DOCK1: variants seen among roughly 807,000 people sequenced by gnomAD.
The protein encoded by DOCK1 is dedicator of cytokinesis 1.
In DOCK1, 138 loss-of-function variants were observed where a neutral mutation model predicts 262.7. That is an observed-to-expected ratio of 0.53 (90% CI 0.46 to 0.61). The LOEUF (loss-of-function observed/expected upper bound fraction) is 0.61, where lower values mean the gene tolerates loss of function less well. Among genes scored for constraint, DOCK1 ranks in the 20% least tolerant of loss-of-function variants. The pLI, the probability that DOCK1 is intolerant of heterozygous loss-of-function variation, is 0.00. For missense variants in DOCK1, 1,908 were observed against 2,370.7 expected (o/e 0.80, Z 4.05); for synonymous variants, 866 against 867.4 (o/e 1.00, Z 0.03).
chr10:127,222,042 G>A (rs1367133705), intron 27 of DOCK1, among the ~76,000 whole-genome samples: 2 of 152,158 alleles, frequency 1.3e-5, no homozygotes, highest in Non-Finnish European at 2.9e-5. Flanking sequence ...ATTATGGCAG[G>A]GTGTTTGACA....
At chr10:127,214,915 T>A (rs2058138725) in intron 27 of DOCK1, among the ~76,000 whole-genome samples, 3 of 152,158 alleles carry the variant, frequency 2.0e-5, no homozygotes, top group African/African-American at 7.2e-5. Context: ...GCGTGTAGTT[T>A]CTATGTGATG....
intron 29 of DOCK1, among the ~76,000 whole-genome samples, chr10:127,311,722 G>A (rs1463281980): frequency 2.6e-5 from 4 of 151,942 alleles, no homozygotes; most frequent in Non-Finnish European, 4.4e-5. Context: ...GTGAGTGATC[G>A]GATTTGAACT....
intron 10 of DOCK1, among the ~76,000 whole-genome samples, chr10:127,004,768 CGCCACCCCCCCG>C (rs2040876567): frequency 6.1e-5 from 4 of 65,262 alleles, no homozygotes; most frequent in Admixed American, 1.6e-4. Context: ...CCCCCTGCCC[CGCCACCCCCCCG>C]CCCCAAAAAA....
chr10:127,175,758 G>T lies in DOCK1; in HGVS notation c.2847+47994G>T, dbSNP rs2055053857. ...ATCGGGCTCTTCGGATGGAGGCCGA[G>T]TGGAGTTTTGGAGCGCAGCTTCTCC... On this transcript the variant is annotated intron_variant, in intron 27 of 51. Coordinates refer to ENST00000623213, the MANE Select transcript of DOCK1 (RefSeq NM_001290223.2). This position sits in a 1 kb window ranked among gnomAD's most constrained non-coding sequence, Gnocchi z 6.3. The T allele has an allele frequency of 6.2e-7, 1 of 1,614,030 alleles. No individual in the cohort carries two copies. The highest frequency in any genetic ancestry group is 1.7e-5 in the Admixed American group (1 of 60,012).
At chr10:127,003,270 A>ATGAACCTGCGTGAACCTGTG (rs915028638) in intron 10 of DOCK1, among the ~76,000 whole-genome samples, 2 of 147,988 alleles carry the variant, frequency 1.4e-5, no homozygotes, top group African/African-American at 5.1e-5. Context: ...TTGAACCTGT[A>ATGAACCTGCGTGAACCTGTG]TGAACCTGCG....
chr10:127,247,875 G>T, intron 27 of DOCK1, 133 bp from the exon 28 acceptor site: 1 of 774,206 alleles, frequency 1.3e-6, no homozygotes, highest in East Asian at 2.7e-5. Context: ...AGGGGCAGCA[G>T]AACCCAGGGC....
chr10:126,958,700 A>G (rs2036949942), intron 1 of DOCK1, among the ~76,000 whole-genome samples: 1 of 152,090 alleles, frequency 6.6e-6, no homozygotes. Flanking sequence ...TCCTGATTCT[A>G]GTGGGTTGGG....
chr10:127,224,420 G>A (rs1017704950), intron 27 of DOCK1, among the ~76,000 whole-genome samples: 3 of 152,120 alleles, frequency 2.0e-5, no homozygotes, highest in African/African-American at 7.2e-5. Context: ...AAAATAGCCA[G>A]GCATGGTGGT....
chr10:127,438,055 A>G (rs763536119), intron 48 of DOCK1, among the ~76,000 whole-genome samples: 2 of 152,174 alleles, frequency 1.3e-5, no homozygotes, highest in Admixed American at 6.5e-5. Context: ...GAGTTATGCT[A>G]TATGGTTTTT....
At chr10:127,007,846 A>G (rs1373834520) in intron 10 of DOCK1, among the ~76,000 whole-genome samples, 1 of 152,122 alleles carries the variant, frequency 6.6e-6, no homozygotes, top group Non-Finnish European at 1.5e-5. Context: ...TCTTGTCAGT[A>G]TGGTAGGTTA....
chr10:126,976,892 C>T (rs1565023207), intron 2 of DOCK1, among the ~76,000 whole-genome samples: 1 of 152,136 alleles, frequency 6.6e-6, no homozygotes, highest in Admixed American at 6.5e-5. Context: ...TACCACCATG[C>T]TTGGCTAATT....
chr10:127,127,457 T>C (rs535636974), intron 26 of DOCK1, among the ~76,000 whole-genome samples: 21 of 152,352 alleles, frequency 1.4e-4, no homozygotes, highest in Non-Finnish European at 2.8e-4. Flanking sequence ...TATGATTATA[T>C]ATGTAACAAA....
At chr10:127,414,750 T>G (rs1282951281) in intron 43 of DOCK1, among the ~76,000 whole-genome samples, 4 of 152,244 alleles carry the variant, frequency 2.6e-5, no homozygotes, top group African/African-American at 7.2e-5. Flanking sequence ...CAAAGATGTA[T>G]TTGCCCCTTT....
chr10:127,341,888 G>A (rs574048433), intron 30 of DOCK1, among the ~76,000 whole-genome samples: 89 of 152,284 alleles, frequency 5.8e-4, no homozygotes, highest in Non-Finnish European at 8.2e-4. Flanking sequence ...ACAGTCAGGG[G>A]CCCATCTAGC....
intron 4 of DOCK1, among the ~76,000 whole-genome samples, chr10:126,986,741 C>A (rs1430195253): frequency 6.6e-6 from 1 of 152,148 alleles, no homozygotes; most frequent in Non-Finnish European, 1.5e-5. Context: ...GAAACCTCAT[C>A]TCTACTAAAA....
rs2045536717 is a variant in DOCK1 at position 127,061,647 on chromosome 10, AGTTT to A, written c.2337-18_2337-15del. The A allele has an allele frequency of 6.3e-7, 1 of 1,576,152 alleles. No individual in the cohort carries two copies. Among genetic ancestry groups the A allele is most frequent in the South Asian group, 1.2e-5 (1 of 85,800 alleles). ...TGAGGTGTTTCTGCCAGGCCCCCACAGTTTGTGTGTTTCTTTGCAGACTGTATGA... is the reference window on the plus strand; with the variant it reads ...TGAGGTGTTTCTGCCAGGCCCCCACAGTGTGTTTCTTTGCAGACTGTATGA... On this transcript the variant is annotated splice_polypyrimidine_tract_variant and intron_variant, in intron 22 of 51. Transcript: ENST00000623213.
chr10:127,187,748 GAGAAAGAGAGAA>G (rs1297951785), intron 27 of DOCK1, among the ~76,000 whole-genome samples: 2 of 39,944 alleles, frequency 5.0e-5, no homozygotes, highest in Admixed American at 3.0e-4. Context: ...GAAAGAAAGA[GAGAAAGAGAGAA>G]AGAAAGAAAA....
chr10:127,051,042 T>A (rs1253114894), intron 21 of DOCK1, among the ~76,000 whole-genome samples: 1 of 152,100 alleles, frequency 6.6e-6, no homozygotes, highest in African/African-American at 2.4e-5. Context: ...AAGCTCCTAA[T>A]ATATAGTTTA....
chr10:127,443,073 A>G (rs924501791), intron 49 of DOCK1, among the ~76,000 whole-genome samples: 1 of 152,016 alleles, frequency 6.6e-6, no homozygotes, highest in Non-Finnish European at 1.5e-5. Flanking sequence ...GAGTCTACAC[A>G]TGCCTCTCTC....
Sources: gnomAD v4.1 joint callset for allele counts (sites outside exome capture counted in the v4.1 genomes callset) on GRCh38, gnomAD v4.1.1 for gene constraint, Gnocchi (gnomAD v3.1) non-coding constraint, MANE v1.5 for transcripts, NCBI Gene and HGNC (gene_info 2026-07-23, HGNC 2026-07-21) for gene names.